The following SDR16C5 variants were observed in gnomAD, a reference collection of about 807,000 sequenced individuals.
SDR16C5 encodes short chain dehydrogenase/reductase family 16C member 5.
SDR16C5 carries 20 observed loss-of-function variants against 27.7 expected under a neutral mutation model. That is an observed-to-expected ratio of 0.72 (90% CI 0.51 to 1.05). SDR16C5 has a LOEUF of 1.05. Among genes scored for constraint, SDR16C5 ranks in the 50% least tolerant of loss-of-function variants. The pLI is 0.00. For synonymous variants in SDR16C5, 139 were observed against 132.3 expected, an observed-to-expected ratio of 1.05 and a Z score of -0.35; for missense variants, 374 against 366.3, an observed-to-expected ratio of 1.02 and a Z score of -0.17.
Position 56,305,673 on chromosome 8 carries a change from T to A in SDR16C5, c.760A>T (p.Ile254Leu). The A allele has an allele frequency of 6.2e-7, 1 of 1,604,450 alleles. No homozygotes were observed. The highest frequency in any genetic ancestry group is 8.5e-7 in the Non-Finnish European group (1 of 1,177,246). ...TTTTCTTGTAGAATAGCTTCTACTA[T>A]TTTTTCAACTGCATATTTTGGTTCC... ...ILEPKYAVEK[I>L]VEAILQEKMY... The change falls in exon 6 of 7, where the codon ATA becomes TTA. Residue 254 changes from isoleucine to leucine, a missense_variant. By Grantham distance (5) the Ile-to-Leu change is conservative. Coordinates refer to ENST00000303749, the MANE Select transcript of SDR16C5 (RefSeq NM_138969.4).
intron 4 of SDR16C5, among the ~76,000 whole-genome samples, chr8:56,307,496 G>A (rs1248122985): frequency 6.6e-6 from 1 of 152,208 alleles, no homozygotes; most frequent in East Asian, 1.9e-4. Context: ...TGGCATTGAG[G>A]TACATTAACA....
At chr8:56,303,639 C>G (rs1814814060) in intron 6 of SDR16C5, among the ~76,000 whole-genome samples, 1 of 152,204 alleles carries the variant, frequency 6.6e-6, no homozygotes, top group Non-Finnish European at 1.5e-5. Flanking sequence ...ATGTGATTGC[C>G]TTTACTGATC....
At chr8:56,310,686 C>T (rs1265690937) in intron 3 of SDR16C5, among the ~76,000 whole-genome samples, 1 of 149,126 alleles carries the variant, frequency 6.7e-6, no homozygotes, top group Admixed American at 6.7e-5. Flanking sequence ...CCACTGCACT[C>T]CAGCCTGGCG....
At chr8:56,315,392 A>G (rs1212323620) in intron 2 of SDR16C5, among the ~76,000 whole-genome samples, 1 of 152,220 alleles carries the variant, frequency 6.6e-6, no homozygotes, top group Non-Finnish European at 1.5e-5. Flanking sequence ...AATATAGCTG[A>G]GTCTTTAGGA....
intron 3 of SDR16C5, among the ~76,000 whole-genome samples, chr8:56,311,233 G>A (rs1224210461): frequency 6.6e-6 from 1 of 152,104 alleles, no homozygotes; most frequent in Non-Finnish European, 1.5e-5. Context: ...GGCCAATGTG[G>A]TGAAACCCTG....
At position 56,303,884 on chromosome 8, in the gene SDR16C5, A is replaced by G. The variant is rs1020322388; in HGVS notation, c.836+1713T>C. 2.6e-5 allele frequency: 18 copies of G among 692,214 alleles called. No homozygotes were observed. The African/African-American group carries it at 2.8e-4, about 11-fold the overall frequency. The allele number at this position is 692,214 out of a possible 1,614,324, so 42.9% of individuals were successfully genotyped here. A position where few individuals can be genotyped will look rare whatever the true frequency, so the allele number is the denominator to read the frequency against. On this transcript the variant is annotated intron_variant, in intron 6 of 6. Transcript: ENST00000303749. Reference sequence around the variant, plus strand: ...GCCCAATAAACAGTGCATTACACGAATCTACAAGCTACGACAAACATTGTC... The same window carrying G: ...GCCCAATAAACAGTGCATTACACGAGTCTACAAGCTACGACAAACATTGTC...
At chr8:56,314,184 C>T (rs755648372) in intron 2 of SDR16C5, among the ~76,000 whole-genome samples, 11 of 145,736 alleles carry the variant, frequency 7.5e-5, no homozygotes, top group South Asian at 2.3e-4. Context: ...TCCAGCCTGG[C>T]GACAGAGCAA....
intron 5 of SDR16C5, 94 bp downstream of exon 5, chr8:56,306,579 GAAC>G: frequency 8.9e-7 from 1 of 1,125,386 alleles, no homozygotes; most frequent in Non-Finnish European, 1.2e-6. Flanking sequence ...CTGAATCCCA[GAAC>G]AATATATTTT....
In SDR16C5 at chr8:56,301,241, A is replaced by T; in HGVS notation, c.*239T>A. 1 of 409,896 alleles carries T rather than the reference A, an allele frequency of 2.4e-6. No individual in the cohort carries two copies. Among genetic ancestry groups the T allele is most frequent in the Non-Finnish European group, 4.4e-6 (1 of 224,730 alleles). The allele number at this position is 409,896 out of a possible 1,614,324, so 25.4% of individuals were successfully genotyped here. On this transcript the variant is annotated 3_prime_UTR_variant, in exon 7 of 7. Transcript: ENST00000303749. ...ATCTGTGGTAATGGAAATGACAAAA[A>T]TGGGCTGTCTTTATTTTTGGAAAAA...
chr8:56,319,077 G>A (rs1373446552), intron 1 of SDR16C5, among the ~76,000 whole-genome samples: 1 of 148,278 alleles, frequency 6.7e-6, no homozygotes, highest in Non-Finnish European at 1.5e-5. Flanking sequence ...GTTTTAAGGA[G>A]CATTATGTGG....
In SDR16C5 at chr8:56,302,814, C is replaced by T. The variant is rs567917921; in HGVS notation, c.837-1241G>A. On this transcript the variant is annotated intron_variant, in intron 6 of 6. Coordinates refer to ENST00000303749, the MANE Select transcript of SDR16C5 (RefSeq NM_138969.4). Reference sequence around the variant, plus strand: ...TGGGCAACATAGCAAGACCCCATCTCTAAAAAAATAAAAATAAATTAGCTG... The same window carrying T: ...TGGGCAACATAGCAAGACCCCATCTTTAAAAAAATAAAAATAAATTAGCTG... 4.0e-5 allele frequency among the ~76,000 whole-genome samples: 6 copies of T among 151,350 alleles called. No individual in the cohort carries two copies. The East Asian group carries it at 1.2e-3, about 29-fold the overall frequency.
chr8:56,311,752 C>T (rs572657055), intron 3 of SDR16C5, among the ~76,000 whole-genome samples: 1 of 152,188 alleles, frequency 6.6e-6, no homozygotes, highest in Non-Finnish European at 1.5e-5. Context: ...CCAAAAGTGT[C>T]CCAGCTTAGG....
chr8:56,316,677 T>C (rs2129262050), intron 1 of SDR16C5, among the ~76,000 whole-genome samples: 1 of 152,362 alleles, frequency 6.6e-6, no homozygotes, highest in South Asian at 2.1e-4. Context: ...ATAAGTTCAT[T>C]ATTGCTCATA....
rs1382592871 is a variant in SDR16C5 at position 56,306,808 on chromosome 8, C to T, written c.578G>A (p.Ser193Asn). The T allele has an allele frequency of 6.2e-7, 1 of 1,611,070 alleles. No individual in the cohort carries two copies. The highest frequency in any genetic ancestry group is 8.5e-7 in the Non-Finnish European group (1 of 1,179,316). ...AGCAAACCCAAAGGCTGCAAATTTA[C>T]TTGCACAGTAATCTGAAAAAGACAA... ...GVNGLADYCASKFAAFGFAES... is the reference protein window; with the variant it reads ...GVNGLADYCANKFAAFGFAES... Residue 193 changes from serine to asparagine, a missense_variant, in exon 5 of 7, where the codon AGT becomes AAT. Ser to Asn is a conservative substitution (Grantham distance 46, BLOSUM62 1). Transcript: ENST00000303749.
intron 2 of SDR16C5, among the ~76,000 whole-genome samples, chr8:56,315,647 C>T (rs561030921): frequency 7.9e-5 from 12 of 152,118 alleles, no homozygotes; most frequent in Non-Finnish European, 1.6e-4. Flanking sequence ...TAATAGGGGC[C>T]GGTATGGTCC....
intron 2 of SDR16C5, among the ~76,000 whole-genome samples, chr8:56,313,588 T>C (rs934961636): frequency 3.9e-5 from 6 of 152,222 alleles, no homozygotes; most frequent in African/African-American, 1.2e-4. Flanking sequence ...TCATAGAACA[T>C]TGGGACAGTA....
chr8:56,309,501 T>C (rs1038860067), intron 3 of SDR16C5: 30 of 985,146 alleles, frequency 3.0e-5, no homozygotes, highest in Non-Finnish European at 3.6e-5. Flanking sequence ...TCTCTTATTT[T>C]TGTTCCATTT....
At chr8:56,303,975 G>C (rs1308389111) in intron 6 of SDR16C5, 4 of 702,844 alleles carry the variant, frequency 5.7e-6, no homozygotes, top group Non-Finnish European at 1.0e-5. Context: ...CACAGACTTA[G>C]TGAATAGTGG....
At chr8:56,311,220 C>G (rs1815036960) in intron 3 of SDR16C5, among the ~76,000 whole-genome samples, 1 of 152,138 alleles carries the variant, frequency 6.6e-6, no homozygotes, top group Admixed American at 6.6e-5. Context: ...TCAAGACCAG[C>G]TTGGCCAATG....
Sources: allele counts gnomAD v4.1 joint callset (sites outside exome capture counted in the v4.1 genomes callset), GRCh38; gene constraint gnomAD v4.1.1; transcripts MANE v1.5; gene names NCBI Gene and HGNC (gene_info 2026-07-23, HGNC 2026-07-21).